The following INVS variants were observed in gnomAD, a reference collection of about 807,000 sequenced individuals.
The protein encoded by INVS is inversion of embryo turning homolog.
INVS carries 86 observed loss-of-function variants against 108.8 expected under a neutral mutation model. The ratio of observed to expected loss-of-function variants is 0.79; its 90% CI spans 0.66 to 0.95. INVS has a LOEUF of 0.95. Among genes scored for constraint, INVS ranks in the 40% least tolerant of loss-of-function variants. INVS has a pLI of 0.00. For synonymous variants in INVS, 455 were observed against 473.5 expected (o/e 0.96, Z 0.51); for missense variants, 1,169 against 1,297.4 (o/e 0.90, Z 1.52).
intron 3 of INVS, among the ~76,000 whole-genome samples, chr9:100,134,057 G>A (rs936759487): frequency 3.3e-5 from 5 of 151,888 alleles, no homozygotes; most frequent in African/African-American, 7.3e-5. Flanking sequence ...AGTATATGCC[G>A]CACCATATTT....
intron 2 of INVS, among the ~76,000 whole-genome samples, chr9:100,123,551 A>C (rs574160966): frequency 1.3e-5 from 2 of 152,296 alleles, no homozygotes; most frequent in African/African-American, 4.8e-5. Flanking sequence ...TTTGGCTCTC[A>C]TGAATAATAC....
intron 3 of INVS, among the ~76,000 whole-genome samples, chr9:100,145,006 G>A (rs867325859): frequency 3.9e-5 from 6 of 152,168 alleles, no homozygotes; most frequent in Non-Finnish European, 8.8e-5. Context: ...TGGAAAAATC[G>A]AAAGTGCCGT....
intron 12 of INVS, among the ~76,000 whole-genome samples, chr9:100,279,778 T>C (rs1222597604): frequency 1.3e-5 from 2 of 152,196 alleles, no homozygotes; most frequent in Admixed American, 1.3e-4. Context: ...AATGGAAACC[T>C]GAATATTCAT....
chr9:100,146,015 C>T (rs1315965049), intron 3 of INVS, among the ~76,000 whole-genome samples: 7 of 152,050 alleles, frequency 4.6e-5, no homozygotes, highest in Non-Finnish European at 1.0e-4. Flanking sequence ...GTCTGAGGAC[C>T]CGAGGTCGTA....
At chr9:100,175,805 A>T (rs1004245388) in intron 3 of INVS, 11 of 667,964 alleles carry the variant, frequency 1.6e-5, no homozygotes, top group African/African-American at 3.6e-5. Context: ...ATTCCTGAAC[A>T]CTCAGACCTG....
chr9:100,250,674 A>G (rs1171327196), intron 8 of INVS, among the ~76,000 whole-genome samples: 3 of 152,142 alleles, frequency 2.0e-5, no homozygotes, highest in African/African-American at 4.8e-5. Flanking sequence ...CATTGCAACC[A>G]CCCTAATCAG....
At chr9:100,214,661 A>G (rs1830933259) in intron 3 of INVS, among the ~76,000 whole-genome samples, 1 of 152,242 alleles carries the variant, frequency 6.6e-6, no homozygotes, top group African/African-American at 2.4e-5. Flanking sequence ...GTCCACATTC[A>G]GGAGCTGTCA....
chr9:100,234,788 G>T (rs1034033465), intron 5 of INVS, among the ~76,000 whole-genome samples: 11 of 151,982 alleles, frequency 7.2e-5, no homozygotes, highest in Admixed American at 7.2e-4. Context: ...TTCCAATTAC[G>T]TGGTCAATTT....
chr9:100,195,635 G>A (rs1055506485), intron 3 of INVS, among the ~76,000 whole-genome samples: 3 of 152,076 alleles, frequency 2.0e-5, no homozygotes, highest in Admixed American at 6.5e-5. Flanking sequence ...CTACAGCTCC[G>A]CACCACCACA....
At chr9:100,246,022 G>A (rs1366116666) in intron 7 of INVS, among the ~76,000 whole-genome samples, 6 of 151,818 alleles carry the variant, frequency 4.0e-5, no homozygotes, top group East Asian at 1.9e-4. Flanking sequence ...AAAATTAGCC[G>A]GGTGTGATGA....
At chr9:100,104,150 C>T (rs1247368351) in intron 1 of INVS, among the ~76,000 whole-genome samples, 9 of 152,140 alleles carry the variant, frequency 5.9e-5, no homozygotes, top group Admixed American at 5.9e-4. Context: ...TACAGATGAG[C>T]AGATGAGCAA....
intron 16 of INVS, among the ~76,000 whole-genome samples, chr9:100,299,670 ACACACACAC>A (rs994465550): frequency 1.5e-4 from 14 of 91,128 alleles, no homozygotes; most frequent in Non-Finnish European, 2.3e-4. Flanking sequence ...ACACACACAC[ACACACACAC>A]ACCTGGGCCT....
chr9:100,126,577 A>G (rs752823712), intron 3 of INVS, 28 bp downstream of exon 3: 8 of 1,610,710 alleles, frequency 5.0e-6, no homozygotes, highest in Non-Finnish European at 5.9e-6. Flanking sequence ...CTTGAAGAGT[A>G]AATGTTTTGT....
intron 3 of INVS, among the ~76,000 whole-genome samples, chr9:100,172,199 C>T (rs1564143357): frequency 1.3e-5 from 2 of 152,082 alleles, no homozygotes; most frequent in Non-Finnish European, 2.9e-5. Flanking sequence ...ACATTGGACC[C>T]TTACTTATGA....
Position 100,128,231 on chromosome 9 carries a change from T to G in INVS, c.273+1682T>G, listed in dbSNP as rs576577448. Among the ~76,000 whole-genome samples, 8 of 152,336 alleles carry G rather than the reference T, an allele frequency of 5.3e-5. No homozygotes were observed. The South Asian group carries it at 6.2e-4, about 12-fold the overall frequency. On this transcript the variant is annotated intron_variant, in intron 3 of 16. Transcript: ENST00000262457. ...TTGTTTTCTTTAGTTTTTTTGTTTC[T>G]ACTTTGATTTTTTAATTATAAGTTT...
At chr9:100,216,441 G>T (rs887999368) in intron 3 of INVS, among the ~76,000 whole-genome samples, 1 of 152,184 alleles carries the variant, frequency 6.6e-6, no homozygotes, top group African/African-American at 2.4e-5. Flanking sequence ...AGGCATTTAA[G>T]GGACCATTAA....
intron 3 of INVS, among the ~76,000 whole-genome samples, chr9:100,153,786 A>G (rs942357814): frequency 6.6e-6 from 1 of 152,216 alleles, no homozygotes; most frequent in African/African-American, 2.4e-5. Context: ...GAGGGCAAGA[A>G]CAAGTGAGGG....
At chr9:100,189,019 T>C (rs1243051629) in intron 3 of INVS, among the ~76,000 whole-genome samples, 4 of 152,020 alleles carry the variant, frequency 2.6e-5, no homozygotes, top group Non-Finnish European at 5.9e-5. Context: ...ATCTTTTGTA[T>C]ATCTGTGATG....
At chr9:100,234,844 A>C (rs765263387) in intron 5 of INVS, among the ~76,000 whole-genome samples, 2 of 152,112 alleles carry the variant, frequency 1.3e-5, no homozygotes, top group African/African-American at 2.4e-5. Context: ...TATTCTGTTG[A>C]TTTGGGGTGG....
Sources: allele counts gnomAD v4.1 joint callset (sites outside exome capture counted in the v4.1 genomes callset), GRCh38; gene constraint gnomAD v4.1.1; transcripts MANE v1.5; gene names NCBI Gene and HGNC (gene_info 2026-07-23, HGNC 2026-07-21).